Variants in ZNF808 observed in about 807,000 individuals in gnomAD.
The protein encoded by ZNF808 is zinc finger protein 808.
ZNF808 carries 5 observed loss-of-function variants against 8.7 expected under a neutral mutation model. The observed-to-expected ratio is 0.58, with a 90% confidence interval of 0.30 to 1.21. The LOEUF (loss-of-function observed/expected upper bound fraction) is 1.21. ZNF808 is among the 50% of genes most tolerant of loss of function. The pLI, the probability that ZNF808 is intolerant of heterozygous loss-of-function variation, is 0.07. For missense variants in ZNF808, 1,103 were observed against 1,098.4 expected, an observed-to-expected ratio of 1.00 and a Z score of -0.06; for synonymous variants, 380 against 366.0, an observed-to-expected ratio of 1.04 and a Z score of -0.44.
At chr19:52,566,533 C>T (rs193050316), downstream of ZNF808, among the ~76,000 whole-genome samples, 83 of 152,150 alleles carry the variant, frequency 5.5e-4, no homozygotes, top group Middle Eastern at 3.4e-3. Flanking sequence ...TAATTTAAAA[C>T]GCAAATAATA....
chr19:52,568,366 G>A (rs1021599994), downstream of ZNF808, among the ~76,000 whole-genome samples: 5 of 150,792 alleles, frequency 3.3e-5, no homozygotes, highest in African/African-American at 1.2e-4. Flanking sequence ...AGAGCAGGAC[G>A]CCTTCCCAAA....
downstream of ZNF808, among the ~76,000 whole-genome samples, chr19:52,559,263 A>C (rs1437787377): frequency 6.6e-6 from 1 of 152,168 alleles, no homozygotes; most frequent in African/African-American, 2.4e-5. Flanking sequence ...AGATAGGAGA[A>C]AACTGCCTTA....
At chr19:52,537,169 AG>A (rs1370761835) in intron 2 of ZNF808, among the ~76,000 whole-genome samples, 1 of 143,112 alleles carries the variant, frequency 7.0e-6, no homozygotes, top group African/African-American at 2.8e-5. Flanking sequence ...CTGGGCAACA[AG>A]AGTGAAACTC....
At chr19:52,549,012 A>T (rs999147783) in intron 4 of ZNF808, among the ~76,000 whole-genome samples, 1 of 151,586 alleles carries the variant, frequency 6.6e-6, no homozygotes, top group African/African-American at 2.4e-5. Context: ...TTGCTCTGTC[A>T]CCCAGGCTCA....
Position 52,538,400 on chromosome 19 carries a change from T to G in ZNF808, c.-19-4866T>G, listed in dbSNP as rs576268566. Among the ~76,000 whole-genome samples, 12 of 151,776 alleles carry G rather than the reference T, an allele frequency of 7.9e-5. No individual in the cohort carries two copies. In the East Asian group the frequency reaches 9.7e-4, roughly 12 times the overall value. ...TCCTGTTGCCCAGGCTGGAGTGCAA[T>G]GGCACAATCTTGGCTAATGACTCTC... On this transcript the variant is annotated intron_variant, in intron 2 of 4. Transcript: ENST00000359798.
intron 4 of ZNF808, among the ~76,000 whole-genome samples, chr19:52,551,083 G>T (rs946003960): frequency 7.2e-5 from 11 of 152,102 alleles, no homozygotes; most frequent in African/African-American, 2.7e-4. Context: ...TGGGCATGAT[G>T]ACTCATGCCT....
intron 3 of ZNF808, among the ~76,000 whole-genome samples, chr19:52,543,569 G>A (rs147655151): frequency 0.012 from 1,831 of 152,254 alleles, 37 homozygotes; most frequent in African/African-American, 0.042. Context: ...TTGGGAAGAG[G>A]CTCCACTGGG....
chr19:52,531,995 TGA>T (rs1732117921), intron 1 of ZNF808, among the ~76,000 whole-genome samples: 1 of 152,226 alleles, frequency 6.6e-6, no homozygotes, highest in South Asian at 2.1e-4. Flanking sequence ...GCTTTTTTCT[TGA>T]GAGAGAATTG....
At chr19:52,541,370 G>A in intron 2 of ZNF808, among the ~76,000 whole-genome samples, 1 of 151,870 alleles carries the variant, frequency 6.6e-6, no homozygotes, top group East Asian at 1.9e-4. Context: ...CACCGCTCCT[G>A]ACTGGTCTGG....
chr19:52,535,195 G>C (rs1444489790), intron 2 of ZNF808, among the ~76,000 whole-genome samples: 1 of 151,690 alleles, frequency 6.6e-6, no homozygotes, highest in Admixed American at 6.6e-5. Flanking sequence ...GCCGAGCGTC[G>C]TGGTGGGCGC....
At chr19:52,562,204 C>T (rs2059860412) in intron 3 of ZNF808, among the ~76,000 whole-genome samples, 1 of 151,804 alleles carries the variant, frequency 6.6e-6, no homozygotes, top group Non-Finnish European at 1.5e-5. Context: ...ATGGTGAAAC[C>T]CTTTCCCTAC....
At chr19:52,529,980 G>A (rs1164343050) in intron 1 of ZNF808, among the ~76,000 whole-genome samples, 1 of 151,512 alleles carries the variant, frequency 6.6e-6, no homozygotes, top group Non-Finnish European at 1.5e-5. Flanking sequence ...TGGGGTCAAA[G>A]GGTCCTCCTG....
intron 4 of ZNF808, among the ~76,000 whole-genome samples, chr19:52,552,468 A>C (rs1170381852): frequency 6.7e-6 from 1 of 149,614 alleles, no homozygotes; most frequent in East Asian, 2.0e-4. Flanking sequence ...GCAGGAGTGC[A>C]GTGGTGTGAT....
At chr19:52,549,946 T>G (rs2059759692) in intron 4 of ZNF808, among the ~76,000 whole-genome samples, 1 of 152,128 alleles carries the variant, frequency 6.6e-6, no homozygotes, top group Non-Finnish European at 1.5e-5. Flanking sequence ...GAGGGATGGC[T>G]TCAGAACCAC....
intron 4 of ZNF808, among the ~76,000 whole-genome samples, chr19:52,550,505 C>A (rs958110847): frequency 6.6e-6 from 1 of 151,110 alleles, no homozygotes; most frequent in African/African-American, 2.4e-5. Flanking sequence ...GCTGGGATTA[C>A]AGGCATGAAC....
chr19:52,545,880 C>CT (rs1400253387), intron 3 of ZNF808, among the ~76,000 whole-genome samples: 1 of 152,076 alleles, frequency 6.6e-6, no homozygotes, highest in Admixed American at 6.6e-5. Flanking sequence ...ACCCTGGGAC[C>CT]TTTGTCACAT....
At chr19:52,548,658 G>C (rs1291067035) in intron 4 of ZNF808, among the ~76,000 whole-genome samples, 1 of 152,078 alleles carries the variant, frequency 6.6e-6, no homozygotes, top group Non-Finnish European at 1.5e-5. Context: ...AGCCTGGCCT[G>C]ATGTGATTCA....
downstream of ZNF808, chr19:52,556,573 C>G (rs994287884): frequency 6.6e-6 from 1 of 152,114 alleles, no homozygotes; most frequent in African/African-American, 2.4e-5. Context: ...ATCTGCCCAC[C>G]TTGGCATCCC....
At chr19:52,565,065 G>C (rs2059869758), downstream of ZNF808, among the ~76,000 whole-genome samples, 1 of 152,048 alleles carries the variant, frequency 6.6e-6, no homozygotes, top group African/African-American at 2.4e-5. Context: ...TGGCCTGGGC[G>C]AAAGAGTGAG....
Sources: allele counts gnomAD v4.1 joint callset (sites outside exome capture counted in the v4.1 genomes callset), GRCh38; gene constraint gnomAD v4.1.1; transcripts MANE v1.5; gene names NCBI Gene and HGNC (gene_info 2026-07-23, HGNC 2026-07-21).